Variants in LEPR observed in about 807,000 individuals in gnomAD.
LEPR encodes leptin receptor.
LEPR carries 56 observed loss-of-function variants against 114.7 expected under a neutral mutation model. The ratio of observed to expected loss-of-function variants is 0.49; its 90% confidence interval spans 0.39 to 0.61. The LOEUF (loss-of-function observed/expected upper bound fraction) is 0.61, where lower values mean the gene tolerates loss of function less well. Ranked by LOEUF, LEPR falls within the 20% of genes least tolerant of loss-of-function variation. The pLI is 0.00. For synonymous variants in LEPR, 443 were observed against 461.4 expected (o/e 0.96, Z 0.51); for missense variants, 1,202 against 1,352.9 (o/e 0.89, Z 1.75).
At chr1:65,634,194 A>G in intron 19 of LEPR, 2 of 982,802 alleles carry the variant, frequency 2.0e-6, no homozygotes, top group Non-Finnish European at 2.4e-6. Context: ...TAATGAACTC[A>G]GTATTCAAAT....
At chr1:65,589,422 A>T (rs907881432) in intron 5 of LEPR, among the ~76,000 whole-genome samples, 1 of 152,010 alleles carries the variant, frequency 6.6e-6, no homozygotes, top group Non-Finnish European at 1.5e-5. Flanking sequence ...CAATTTTGAT[A>T]AAGTCTAATT....
At chr1:65,623,313 C>T (rs555801584) in intron 19 of LEPR, 1 of 185,520 alleles carries the variant, frequency 5.4e-6, no homozygotes, top group Non-Finnish European at 1.1e-5. Flanking sequence ...TTGGTATAAA[C>T]TGTATTTAGG....
Position 65,480,174 on chromosome 1 carries a change from A to G in LEPR, c.-21+54796A>G, listed in dbSNP as rs116440727. Among the ~76,000 whole-genome samples, 730 of 152,258 alleles carry G rather than the reference A, an allele frequency of 4.8e-3. 8 individuals are homozygous for G. The highest frequency in any genetic ancestry group is 0.017 in the African/African-American group (702 of 41,562). ...CCTATTGAAAACCTGGAGCTTTAATAGGTCTTGCCTTGTTCAAGAAGTAGA... is the reference window on the plus strand; with the variant it reads ...CCTATTGAAAACCTGGAGCTTTAATGGGTCTTGCCTTGTTCAAGAAGTAGA... On this transcript the variant is annotated intron_variant, in intron 2 of 19. Coordinates refer to ENST00000349533, the MANE Select transcript of LEPR (RefSeq NM_002303.6).
chr1:65,551,030 G>C (rs1253802444), intron 2 of LEPR, among the ~76,000 whole-genome samples: 3 of 152,056 alleles, frequency 2.0e-5, no homozygotes, highest in African/African-American at 7.2e-5. Context: ...ATTGATTTGT[G>C]TATGTTGAAG....
At position 65,565,843 on chromosome 1, in the gene LEPR, T is replaced by TCACA. The variant is rs67805092; in HGVS notation, c.40+239_40+240insACAC. On this transcript the variant is annotated intron_variant, in intron 3 of 19. Transcript: ENST00000349533. ...GTATCCTTCCAGAATCCTCTCTCTC[T>TCACA]CTCACACACACACACACACAGACTC... Among the ~76,000 whole-genome samples the TCACA allele has an allele frequency of 0.26, 39,306 of 150,264 alleles. 6,034 individuals are homozygous for TCACA. The highest frequency in any genetic ancestry group is 0.8 in the East Asian group (4,006 of 5,034).
At chr1:65,488,020 TTC>T (rs1647590171) in intron 2 of LEPR, among the ~76,000 whole-genome samples, 2 of 150,450 alleles carry the variant, frequency 1.3e-5, no homozygotes, top group Admixed American at 6.6e-5. Flanking sequence ...CTTCCTTCCT[TTC>T]TCTTTCTTTC....
At chr1:65,431,343 A>G (rs2100227077) in intron 2 of LEPR, among the ~76,000 whole-genome samples, 1 of 152,296 alleles carries the variant, frequency 6.6e-6, no homozygotes, top group East Asian at 1.9e-4. Flanking sequence ...TCTACAAACC[A>G]TCTACTAAGC....
At chr1:65,471,531 C>G (rs1318857577) in intron 2 of LEPR, among the ~76,000 whole-genome samples, 1 of 152,194 alleles carries the variant, frequency 6.6e-6, no homozygotes, top group African/African-American at 2.4e-5. Flanking sequence ...TTGTGTTGCT[C>G]ATGACCTTTG....
chr1:65,585,455 C>A, intron 5 of LEPR, among the ~76,000 whole-genome samples: 1 of 151,908 alleles, frequency 6.6e-6, no homozygotes, highest in East Asian at 1.9e-4. Flanking sequence ...TCTTTCTAAA[C>A]CATGTATGGC....
chr1:65,525,470 C>G lies in LEPR; in HGVS notation c.-20-40076C>G, dbSNP rs1463230557. On this transcript the variant is annotated intron_variant, in intron 2 of 19. Coordinates refer to ENST00000349533, the MANE Select transcript of LEPR (RefSeq NM_002303.6). The stretch of plus-strand genomic sequence containing the variant: ...CTCTCCTCCCGCAGGCCCGCGGCCA[C>G]CCGCAGCGGCATTCCCCGCCGCCGC... The G allele has an allele frequency of 3.2e-5, 7 of 220,224 alleles. No individual in the cohort carries two copies. In the South Asian group the frequency reaches 9.7e-4, roughly 31 times the overall value. 13.6% of individuals were successfully genotyped at this position (220,224 alleles called of 1,614,324 possible).
At chr1:65,609,278 A>G (rs1657020494) in intron 12 of LEPR, among the ~76,000 whole-genome samples, 2 of 152,188 alleles carry the variant, frequency 1.3e-5, no homozygotes, top group African/African-American at 4.8e-5. Flanking sequence ...ATTTCATCTC[A>G]TGTTCCCCAA....
At chr1:65,565,857 ACACACAGACT>A (rs143828294) in intron 3 of LEPR, among the ~76,000 whole-genome samples, 1 of 151,804 alleles carries the variant, frequency 6.6e-6, no homozygotes, top group African/African-American at 2.4e-5. Context: ...ACACACACAC[ACACACAGACT>A]CACACACACA....
At position 65,474,593 on chromosome 1, in the gene LEPR, A is replaced by G. The variant is rs371487606; in HGVS notation, c.-21+49215A>G. 6.6e-5 allele frequency among the ~76,000 whole-genome samples: 10 copies of G among 152,308 alleles called. No homozygotes were observed. The South Asian group carries it at 2.1e-3, about 32-fold the overall frequency. ...TATCATGTGCTTTACTCATAGACTC[A>G]TACTTATTCACAGTCCCATTACATA... On this transcript the variant is annotated intron_variant, in intron 2 of 19. Coordinates refer to ENST00000349533, the MANE Select transcript of LEPR (RefSeq NM_002303.6).
At chr1:65,518,881 C>CTTTCTT (rs1649442519) in intron 2 of LEPR, among the ~76,000 whole-genome samples, 1 of 78,408 alleles carries the variant, frequency 1.3e-5, no homozygotes. Context: ...CTTTTTCTTT[C>CTTTCTT]TTTCTTTCTT....
At chr1:65,438,443 A>G (rs965712483) in intron 2 of LEPR, among the ~76,000 whole-genome samples, 2 of 150,880 alleles carry the variant, frequency 1.3e-5, no homozygotes, top group Admixed American at 1.3e-4. Flanking sequence ...CCAGCTACTC[A>G]GGAGGATGAG....
At chr1:65,447,175 T>G (rs1439326343) in intron 2 of LEPR, among the ~76,000 whole-genome samples, 1 of 152,182 alleles carries the variant, frequency 6.6e-6, no homozygotes. Flanking sequence ...CTTTGCCTAA[T>G]GTCGTGATGA....
At chr1:65,439,313 G>A (rs185249754) in intron 2 of LEPR, among the ~76,000 whole-genome samples, 42 of 152,248 alleles carry the variant, frequency 2.8e-4, no homozygotes, top group Middle Eastern at 6.8e-3. Context: ...TAGACAATGC[G>A]ATATTGGAGA....
intron 2 of LEPR, among the ~76,000 whole-genome samples, chr1:65,426,309 G>C (rs1050621662): frequency 6.6e-6 from 1 of 152,138 alleles, no homozygotes; most frequent in Admixed American, 6.5e-5. Context: ...GTAGTGGAGT[G>C]GCAAAAGAAG....
Position 65,571,800 on chromosome 1 carries a change from A to T in LEPR, c.371-526A>T, listed in dbSNP as rs9726304. ...GAAACCCCATCTCTACCAAAAAAAA[A>T]AAAAAAAAAAAAAAAAAAAATTAAC... On this transcript the variant is annotated intron_variant, in intron 4 of 19. Coordinates refer to ENST00000349533, the MANE Select transcript of LEPR (RefSeq NM_002303.6). 1.5e-4 allele frequency among the ~76,000 whole-genome samples: 16 copies of T among 108,680 alleles called. 1 individual carries two copies. The highest frequency in any genetic ancestry group is 4.2e-4 in the African/African-American group (14 of 32,984). The allele number at this position is 108,680 out of a possible 152,430, so 71.3% of individuals were successfully genotyped here.
Sources: allele counts gnomAD v4.1 joint callset (sites outside exome capture counted in the v4.1 genomes callset), GRCh38; gene constraint gnomAD v4.1.1; transcripts MANE v1.5; gene names NCBI Gene and HGNC (gene_info 2026-07-23, HGNC 2026-07-21).